Variants in VPS54 observed in about 807,000 individuals in gnomAD.
The protein encoded by VPS54 is vacuolar protein sorting-associated protein 54.
In VPS54, 45 loss-of-function variants were observed where a neutral mutation model predicts 121.5. The observed-to-expected ratio is 0.37, with a 90% CI of 0.29 to 0.47. The LOEUF is 0.47. VPS54 is among the 20% of genes least tolerant of loss of function. The pLI, the probability that VPS54 is intolerant of heterozygous loss-of-function variation, is 0.99. For synonymous variants in VPS54, 371 were observed against 385.8 expected, an observed-to-expected ratio of 0.96 and a Z score of 0.45; for missense variants, 1,090 against 1,131.4, an observed-to-expected ratio of 0.96 and a Z score of 0.52.
chr2:63,912,274 A>G (rs1432427788), intron 20 of VPS54, 71 bp downstream of exon 20: 4 of 1,239,846 alleles, frequency 3.2e-6, no homozygotes, highest in African/African-American at 3.1e-5. Flanking sequence ...CTTAATTTAT[A>G]AAGTACTCCT....
chr2:63,921,332 G>A lies in VPS54; in HGVS notation c.1743C>T (p.Val581=). ...SAIPGGVDIM[V]SEDMKLTDSE... is the part of the protein sequence containing the mutation. ...AGTCAGTTAATTTCATATCTTCACT[G>A]ACCCTGAAAATAACAAAATAAGATT... Residue 581 remains valine, a synonymous_variant, in exon 13 of 23, where the codon GTC becomes GTT. Coordinates refer to ENST00000272322, the MANE Select transcript of VPS54 (RefSeq NM_016516.3). 4 of 1,611,006 alleles carry A rather than the reference G, an allele frequency of 2.5e-6. No individual in the cohort carries two copies. The highest frequency in any genetic ancestry group is 1.7e-4 in the Middle Eastern group (1 of 5,930).
chr2:63,899,845 G>A (rs908855871), intron 20 of VPS54, among the ~76,000 whole-genome samples: 4 of 152,236 alleles, frequency 2.6e-5, no homozygotes, highest in Admixed American at 6.5e-5. Flanking sequence ...AGACTGCTGG[G>A]TTCAGATCCC....
At chr2:63,984,158 T>G (rs901321127) in intron 1 of VPS54, 139 bp from the exon 2 acceptor site, 12 of 694,528 alleles carry the variant, frequency 1.7e-5, no homozygotes, top group Non-Finnish European at 1.5e-5. Flanking sequence ...TGCTCTTAAT[T>G]GGGAAAATTG....
chr2:63,980,516 G>A (rs1236453924), intron 3 of VPS54, among the ~76,000 whole-genome samples: 3 of 151,662 alleles, frequency 2.0e-5, no homozygotes, highest in Non-Finnish European at 2.9e-5. Flanking sequence ...TCTATTTATG[G>A]CTTTGTTTGG....
rs193046754 is a variant in VPS54 at position 63,966,903 on chromosome 2, T to G, written c.493-937A>C. On this transcript the variant is annotated intron_variant, in intron 5 of 22. Transcript: ENST00000272322. Reference sequence around the variant, plus strand: ...ACATACTTCTGGCCTAGAACGCCTTTTCTTGTACATCTTCCTGAAGAACAT... The same window carrying G: ...ACATACTTCTGGCCTAGAACGCCTTGTCTTGTACATCTTCCTGAAGAACAT... 5.5e-4 allele frequency among the ~76,000 whole-genome samples: 84 copies of G among 152,352 alleles called. 1 individual carries two copies. Among genetic ancestry groups the G allele is most frequent in the African/African-American group, 1.8e-3 (74 of 41,582 alleles).
intron 1 of VPS54, among the ~76,000 whole-genome samples, chr2:64,014,574 G>C (rs570329425): frequency 8.4e-6 from 1 of 118,594 alleles, no homozygotes; most frequent in African/African-American, 2.6e-5. Context: ...TTTGTATTTA[G>C]TGCTTCTCTC....
In VPS54 at chr2:63,984,010, C is replaced by T. The variant is rs534869559; in HGVS notation, c.-11G>A. On this transcript the variant is annotated 5_prime_UTR_variant, in exon 2 of 23. Transcript: ENST00000272322. The stretch of plus-strand genomic sequence containing the variant: ...GTGGCTTGAAGCCATTGCATAAAAT[C>T]ACCACTCAACTGAAAATGAGTAAGA... 1 of 1,595,980 alleles carries T rather than the reference C, an allele frequency of 6.3e-7. No individual in the cohort carries two copies. Among genetic ancestry groups the T allele is most frequent in the East Asian group, 2.2e-5 (1 of 44,500 alleles).
Position 63,972,152 on chromosome 2 carries a change from A to G in VPS54, c.457+14T>C. On this transcript the variant is annotated intron_variant, in intron 4 of 22. Coordinates refer to ENST00000272322, the MANE Select transcript of VPS54 (RefSeq NM_016516.3). ...TGCTATGCTTTATTATCTATAAATAACACATATTCATACCATGAGTATGTA... is the reference window on the plus strand; with the variant it reads ...TGCTATGCTTTATTATCTATAAATAGCACATATTCATACCATGAGTATGTA... The G allele has an allele frequency of 6.8e-7, 1 of 1,479,958 alleles. No homozygotes were observed. The highest frequency in any genetic ancestry group is 9.2e-7 in the Non-Finnish European group (1 of 1,088,334). 91.7% of individuals were successfully genotyped at this position (1,479,958 alleles called of 1,614,324 possible). A position where few individuals can be genotyped will look rare whatever the true frequency, so the allele number is the denominator to read the frequency against.
chr2:63,900,324 C>A (rs1672629077), intron 20 of VPS54, among the ~76,000 whole-genome samples: 1 of 150,374 alleles, frequency 6.7e-6, no homozygotes, highest in Non-Finnish European at 1.5e-5. Flanking sequence ...GTAGGTGGGT[C>A]AATATAGTAA....
At chr2:63,964,337 T>C (rs565647520) in intron 6 of VPS54, among the ~76,000 whole-genome samples, 110 of 152,336 alleles carry the variant, frequency 7.2e-4, no homozygotes, top group South Asian at 4.1e-3. Flanking sequence ...GAATTTTCAA[T>C]AATCCATTGA....
chr2:63,919,114 A>T (rs1035648792), intron 15 of VPS54, among the ~76,000 whole-genome samples: 1 of 152,096 alleles, frequency 6.6e-6, no homozygotes, highest in Non-Finnish European at 1.5e-5. Context: ...ATCTTATAGG[A>T]CTATTATAAA....
intron 20 of VPS54, among the ~76,000 whole-genome samples, chr2:63,901,056 G>A (rs1010570788): frequency 1.3e-5 from 2 of 152,156 alleles, no homozygotes; most frequent in African/African-American, 2.4e-5. Flanking sequence ...CACCACGTCC[G>A]ACCTCAAATC....
intron 1 of VPS54, among the ~76,000 whole-genome samples, chr2:63,987,204 C>A (rs1025055492): frequency 2.6e-5 from 4 of 152,162 alleles, no homozygotes; most frequent in Non-Finnish European, 5.9e-5. Context: ...AGTTTGAAGT[C>A]TTAGATTTAA....
rs190654865 is a variant in VPS54, at chr2:63,914,932, G to A, written c.2229-645C>T. On this transcript the variant is annotated intron_variant, in intron 16 of 22. Transcript: ENST00000272322. Reference sequence around the variant, plus strand: ...GCAGATCACTGGAGGTCGGGAGTTCGAGACCAGCCTGACAATGGAGAAGAC... The same window carrying A: ...GCAGATCACTGGAGGTCGGGAGTTCAAGACCAGCCTGACAATGGAGAAGAC... Among the ~76,000 whole-genome samples the A allele has an allele frequency of 8.6e-4, 130 of 151,940 alleles. 2 individuals carry two copies. The highest frequency in any genetic ancestry group is 3.0e-3 in the African/African-American group (124 of 41,434).
At chr2:64,006,613 C>T (rs941120430) in intron 1 of VPS54, among the ~76,000 whole-genome samples, 4 of 151,372 alleles carry the variant, frequency 2.6e-5, no homozygotes, top group Non-Finnish European at 5.9e-5. Flanking sequence ...ATAATTGCAA[C>T]AACTATTATT....
intron 1 of VPS54, among the ~76,000 whole-genome samples, chr2:63,989,444 TTC>T (rs1398641385): frequency 2.6e-5 from 4 of 152,258 alleles, no homozygotes; most frequent in South Asian, 2.1e-4. Flanking sequence ...GCTCTAAAAT[TTC>T]TCTCTTTTGT....
At chr2:63,895,445 C>G (rs1415692038) in intron 22 of VPS54, among the ~76,000 whole-genome samples, 1 of 152,126 alleles carries the variant, frequency 6.6e-6, no homozygotes, top group Non-Finnish European at 1.5e-5. Flanking sequence ...CAGAGTGATA[C>G]TCCATCTCAA....
At chr2:63,954,197 C>T (rs1675386808) in intron 7 of VPS54, among the ~76,000 whole-genome samples, 1 of 151,992 alleles carries the variant, frequency 6.6e-6, no homozygotes, top group Non-Finnish European at 1.5e-5. Flanking sequence ...CTATAAACAT[C>T]CTGTCATAAC....
At chr2:63,967,051 T>C (rs976618696) in intron 5 of VPS54, among the ~76,000 whole-genome samples, 1 of 152,220 alleles carries the variant, frequency 6.6e-6, no homozygotes, top group African/African-American at 2.4e-5. Context: ...TTATTTAGTA[T>C]GCATATCTCC....
Sources: allele counts gnomAD v4.1 joint callset (sites outside exome capture counted in the v4.1 genomes callset), GRCh38; gene constraint gnomAD v4.1.1; transcripts MANE v1.5; gene names NCBI Gene and HGNC (gene_info 2026-07-23, HGNC 2026-07-21).